The following SUPT16H variants were observed in gnomAD, a reference collection of about 807,000 sequenced individuals.
The protein encoded by SUPT16H is SPT16 homolog, facilitates chromatin remodeling subunit.
In SUPT16H, 24 loss-of-function variants were observed where a neutral mutation model predicts 136.2. The observed-to-expected ratio is 0.18, with a 90% CI of 0.13 to 0.25. The LOEUF is 0.25. Among genes scored for constraint, SUPT16H ranks in the 10% least tolerant of loss-of-function variants. The pLI is 1.00. For missense variants in SUPT16H, 623 were observed against 1,270.2 expected, an observed-to-expected ratio of 0.49 and a Z score of 7.74; for synonymous variants, 415 against 428.2, an observed-to-expected ratio of 0.97 and a Z score of 0.38.
intron 22 of SUPT16H, 47 bp from the exon 23 acceptor site, chr14:21,354,587 C>A: frequency 6.2e-7 from 1 of 1,601,012 alleles, no homozygotes; most frequent in South Asian, 1.1e-5. Context: ...CTGTATTTTC[C>A]ATATATTCTT....
chr14:21,373,275 ACTG>A (rs1886827030), intron 2 of SUPT16H, 60 bp downstream of exon 2: 2 of 1,286,784 alleles, frequency 1.6e-6, no homozygotes. Flanking sequence ...TGGCTACCAT[ACTG>A]AACAGTGCAG....
chr14:21,360,987 A>T lies in SUPT16H; in HGVS notation c.1930-15T>A, dbSNP rs1403022146. ...TTTACAATCCCCTAAGCAAGAAGAA[A>T]ATTAATGTGAATTGTCACATATCCT... On this transcript the variant is annotated splice_polypyrimidine_tract_variant and intron_variant, in intron 16 of 25. Transcript: ENST00000216297. The T allele has an allele frequency of 6.2e-7, 1 of 1,612,050 alleles. No individual in the cohort carries two copies. Among genetic ancestry groups the T allele is most frequent in the Non-Finnish European group, 8.5e-7 (1 of 1,179,054 alleles).
At position 21,351,580 on chromosome 14, in the gene SUPT16H, T is replaced by G. The variant is rs1287546311; in HGVS notation, c.*1093A>C. On this transcript the variant is annotated 3_prime_UTR_variant, in exon 26 of 26. Coordinates refer to ENST00000216297, the MANE Select transcript of SUPT16H (RefSeq NM_007192.4). ...GCTAAGGAGAAAAAACAAACAAACA[T>G]AAAATCCGGGACCCCTCCCCCCTTC... The G allele has an allele frequency of 6.0e-6, 1 of 168,058 alleles. No individual in the cohort carries two copies. The highest frequency in any genetic ancestry group is 2.4e-5 in the African/African-American group (1 of 41,818). 10.4% of individuals were successfully genotyped at this position (168,058 alleles called of 1,614,324 possible). A position where few individuals can be genotyped will look rare whatever the true frequency, so the allele number is the denominator to read the frequency against.
intron 21 of SUPT16H, 35 bp downstream of exon 21, chr14:21,357,892 A>C: frequency 6.3e-7 from 1 of 1,589,304 alleles, no homozygotes; most frequent in Non-Finnish European, 8.6e-7. Flanking sequence ...TTTCTCTAAC[A>C]ATTTTCTTAC....
chr14:21,382,849 T>TG (rs1196318604), intron 1 of SUPT16H: 1 of 152,214 alleles, frequency 6.6e-6, no homozygotes, highest in Admixed American at 6.5e-5. Context: ...AGATGAAACA[T>TG]GCACAGACAG....
In SUPT16H at chr14:21,363,507, G is replaced by A. The variant is rs146874412; in HGVS notation, c.1234-4C>T. 9.0e-3 allele frequency: 14,511 copies of A among 1,610,416 alleles called. 1,052 individuals are homozygous for A. The Admixed American group carries it at 0.17, about 19-fold the overall frequency. Reference sequence around the variant, plus strand: ...TGAGAACAGTAGCTGGGCCATCCTAGAATTAAAAGGAGAATGAAGACACAT... The same window carrying A: ...TGAGAACAGTAGCTGGGCCATCCTAAAATTAAAAGGAGAATGAAGACACAT... On this transcript the variant is annotated splice_region_variant and splice_polypyrimidine_tract_variant and intron_variant, in intron 10 of 25. Transcript: ENST00000216297.
intron 1 of SUPT16H, among the ~76,000 whole-genome samples, chr14:21,376,952 A>G (rs1449641183): frequency 6.6e-6 from 1 of 152,096 alleles, no homozygotes; most frequent in Non-Finnish European, 1.5e-5. Context: ...AGGCACCTGT[A>G]ATCCCAGCTA....
chr14:21,353,866 T>G (rs1471597799), intron 23 of SUPT16H, 34 bp from the exon 24 acceptor site: 1 of 1,587,988 alleles, frequency 6.3e-7, no homozygotes, highest in African/African-American at 1.4e-5. Context: ...GATTTTTTTT[T>G]GACATTTACC....
intron 7 of SUPT16H, 116 bp downstream of exon 7, chr14:21,368,153 A>T: frequency 9.4e-7 from 1 of 1,065,386 alleles, no homozygotes; most frequent in Non-Finnish European, 1.4e-6. Context: ...TCCTGGATTC[A>T]AGTGATCCTC....
At chr14:21,370,131 C>T (rs1886754561) in intron 4 of SUPT16H, among the ~76,000 whole-genome samples, 1 of 152,144 alleles carries the variant, frequency 6.6e-6, no homozygotes, top group Non-Finnish European at 1.5e-5. Flanking sequence ...AAAATGTAAA[C>T]TGCCCTCTAG....
At chr14:21,353,612 G>A in intron 24 of SUPT16H, 47 bp from the exon 25 acceptor site, 1 of 1,606,804 alleles carries the variant, frequency 6.2e-7, no homozygotes, top group Non-Finnish European at 8.5e-7. Flanking sequence ...GGAACAGAAT[G>A]GAACGACAGA....
intron 3 of SUPT16H, 128 bp from the exon 4 acceptor site, chr14:21,370,616 T>A: frequency 9.7e-7 from 1 of 1,032,020 alleles, no homozygotes; most frequent in Non-Finnish European, 1.4e-6. Context: ...CCCCACCTAC[T>A]TTTTACTTTT....
intron 1 of SUPT16H, among the ~76,000 whole-genome samples, chr14:21,374,651 T>C (rs571027383): frequency 6.6e-6 from 1 of 152,366 alleles, no homozygotes; most frequent in South Asian, 2.1e-4. Flanking sequence ...GTGACACGTA[T>C]CAACACTTCA....
intron 3 of SUPT16H, among the ~76,000 whole-genome samples, chr14:21,371,270 C>G (rs1161499473): frequency 2.0e-5 from 3 of 152,020 alleles, no homozygotes; most frequent in African/African-American, 7.2e-5. Flanking sequence ...GGTGAAAGTG[C>G]TGCCGTAAGT....
At chr14:21,360,677 T>A in intron 17 of SUPT16H, 144 bp from the exon 18 acceptor site, 1 of 1,223,712 alleles carries the variant, frequency 8.2e-7, no homozygotes, top group Non-Finnish European at 1.2e-6. Flanking sequence ...CACACAGCAG[T>A]GTAAGTAGAT....
At position 21,358,315 on chromosome 14, in the gene SUPT16H, C is replaced by T; in HGVS notation, c.2414G>A (p.Gly805Glu). The T allele has an allele frequency of 6.3e-7, 1 of 1,598,400 alleles. No individual in the cohort carries two copies. The highest frequency in any genetic ancestry group is 8.5e-7 in the Non-Finnish European group (1 of 1,169,686). The part of the protein sequence containing the change: ...LEFEVPFRDL[G>E]FNGAPYRSTC... ...TCAAGCCAAAAATAAGATAGGTTAC[C>T]CCAAGTCCCTAAAAGGCACTTCAAA... is the stretch of plus-strand genomic sequence containing the variant. The change falls in exon 20 of 26, where the codon GGA becomes GAA. Residue 805 changes from glycine (G) to glutamate (E), a missense_variant and splice_region_variant. Coordinates refer to ENST00000216297, the MANE Select transcript of SUPT16H (RefSeq NM_007192.4).
At chr14:21,356,638 G>A (rs1375802741) in intron 22 of SUPT16H, among the ~76,000 whole-genome samples, 1 of 152,206 alleles carries the variant, frequency 6.6e-6, no homozygotes, top group East Asian at 1.9e-4. Context: ...TACTTGGGAT[G>A]CTGATGCAGG....
At chr14:21,372,209 CAA>C (rs935401278) in intron 2 of SUPT16H, 165 bp from the exon 3 acceptor site, 4 of 659,982 alleles carry the variant, frequency 6.1e-6, no homozygotes, top group Non-Finnish European at 9.8e-6. Context: ...CAAGATCGGC[CAA>C]GAGTCGACAA....
At chr14:21,353,086 G>A (rs777325034) in intron 25 of SUPT16H, among the ~76,000 whole-genome samples, 2 of 152,172 alleles carry the variant, frequency 1.3e-5, no homozygotes, top group Non-Finnish European at 2.9e-5. Context: ...GTTTGTTTGG[G>A]GTTTGGCTTC....
Sources: gnomAD v4.1 joint callset for allele counts (sites outside exome capture counted in the v4.1 genomes callset) on GRCh38, gnomAD v4.1.1 for gene constraint, MANE v1.5 for transcripts, NCBI Gene and HGNC (gene_info 2026-07-23, HGNC 2026-07-21) for gene names.